SSPN: variants seen among roughly 807,000 people sequenced by gnomAD.
SSPN encodes the protein K-ras oncogene-associated protein.
Under a neutral mutation model 19.1 loss-of-function variants are expected in SSPN, and 15 were observed. The ratio of observed to expected loss-of-function variants is 0.78; its 90% CI spans 0.52 to 1.21. The LOEUF (loss-of-function observed/expected upper bound fraction) is 1.21. SSPN is among the 50% of genes most tolerant of loss of function. SSPN has a pLI of 0.00. For synonymous variants in SSPN, 147 were observed against 140.3 expected (o/e 1.05, Z -0.34); for missense variants, 291 against 314.0 (o/e 0.93, Z 0.55).
At chr12:26,156,023 G>A (rs1944553832) in intron 1 of SSPN, among the ~76,000 whole-genome samples, 1 of 152,156 alleles carries the variant, frequency 6.6e-6, no homozygotes, top group South Asian at 2.1e-4. Context: ...AGAAAGAAAA[G>A]TTCAAAGAAC....
chr12:26,191,928 T>C (rs1458093961), upstream of SSPN, among the ~76,000 whole-genome samples: 2 of 152,216 alleles, frequency 1.3e-5, no homozygotes, highest in Admixed American at 6.5e-5. Context: ...CTTGGAAATG[T>C]AATAATTTTT....
intron 2 of SSPN, 85 bp downstream of exon 2, chr12:26,224,464 G>A (rs781447187): frequency 1.7e-5 from 20 of 1,164,426 alleles, no homozygotes; most frequent in Non-Finnish European, 2.6e-5. Flanking sequence ...TTAAGGGGTT[G>A]CATATCTGAT....
At chr12:26,128,415 C>A (rs148536307) in intron 1 of SSPN, among the ~76,000 whole-genome samples, 63 of 152,292 alleles carry the variant, frequency 4.1e-4, no homozygotes, top group African/African-American at 1.5e-3. Context: ...ATCCAAATAT[C>A]CTAATTAACT....
intron 1 of SSPN, among the ~76,000 whole-genome samples, chr12:26,202,885 G>A (rs1944898823): frequency 6.6e-6 from 1 of 152,214 alleles, no homozygotes; most frequent in African/African-American, 2.4e-5. Context: ...GATACTACGT[G>A]AGACTAATTT....
intron 1 of SSPN, among the ~76,000 whole-genome samples, chr12:26,166,606 C>A (rs774620364): frequency 6.6e-6 from 1 of 152,132 alleles, no homozygotes; most frequent in Admixed American, 6.5e-5. Flanking sequence ...AAAATGAAAA[C>A]GAATTATATT....
intron 1 of SSPN, among the ~76,000 whole-genome samples, chr12:26,149,696 A>G (rs534946079): frequency 6.6e-6 from 1 of 152,342 alleles, no homozygotes; most frequent in African/African-American, 2.4e-5. Flanking sequence ...AACAATAATA[A>G]TACCTTGGAA....
chr12:26,190,108 A>G (rs577369555), intron 1 of SSPN, among the ~76,000 whole-genome samples: 1 of 152,342 alleles, frequency 6.6e-6, no homozygotes, highest in East Asian at 1.9e-4. Flanking sequence ...GGAGGATATG[A>G]TGATTTAAAA....
chr12:26,165,921 A>C (rs933576701), intron 1 of SSPN, among the ~76,000 whole-genome samples: 1 of 152,234 alleles, frequency 6.6e-6, no homozygotes, highest in Non-Finnish European at 1.5e-5. Context: ...GCCCCTTCTG[A>C]ACAGCTTTTA....
At chr12:26,175,970 G>A (rs1477771737) in intron 1 of SSPN, among the ~76,000 whole-genome samples, 3 of 151,872 alleles carry the variant, frequency 2.0e-5, no homozygotes, top group Non-Finnish European at 2.9e-5. Flanking sequence ...CCATGTAGCC[G>A]ATATTACAGA....
chr12:26,151,336 G>C (rs1565672945), intron 1 of SSPN, among the ~76,000 whole-genome samples: 1 of 151,998 alleles, frequency 6.6e-6, no homozygotes, highest in Non-Finnish European at 1.5e-5. Flanking sequence ...AAAATATTTA[G>C]ATTAGAACTG....
intron 1 of SSPN, among the ~76,000 whole-genome samples, chr12:26,127,375 C>T (rs1944372687): frequency 6.6e-6 from 1 of 152,150 alleles, no homozygotes; most frequent in South Asian, 2.1e-4. Flanking sequence ...TGCAGCACCC[C>T]ATAATTTAAA....
At chr12:26,199,120 A>G (rs1944856047) in intron 1 of SSPN, among the ~76,000 whole-genome samples, 1 of 152,170 alleles carries the variant, frequency 6.6e-6, no homozygotes, top group Non-Finnish European at 1.5e-5. Flanking sequence ...GGGGATTGCC[A>G]TTTCCTTAAC....
At chr12:26,213,389 T>C (rs1945012867) in intron 1 of SSPN, among the ~76,000 whole-genome samples, 1 of 152,172 alleles carries the variant, frequency 6.6e-6, no homozygotes, top group African/African-American at 2.4e-5. Context: ...ATCCTAGAGA[T>C]GATGAAACCG....
intron 2 of SSPN, among the ~76,000 whole-genome samples, chr12:26,227,750 A>G (rs1362563066): frequency 1.3e-5 from 2 of 152,224 alleles, no homozygotes; most frequent in South Asian, 2.1e-4. Context: ...AGTAGGTGCT[A>G]TTATGATCAT....
At chr12:26,136,115 A>G (rs1165104209) in intron 1 of SSPN, among the ~76,000 whole-genome samples, 1 of 152,234 alleles carries the variant, frequency 6.6e-6, no homozygotes, top group Non-Finnish European at 1.5e-5. Context: ...TCTAAACAAT[A>G]CAGTTTATTT....
At chr12:26,176,460 C>T (rs1228817134) in intron 1 of SSPN, among the ~76,000 whole-genome samples, 1 of 140,460 alleles carries the variant, frequency 7.1e-6, no homozygotes, top group Non-Finnish European at 1.6e-5. Flanking sequence ...GGAATTAAGA[C>T]AAACTCTAAA....
At chr12:26,156,669 T>G (rs1944557746) in intron 1 of SSPN, among the ~76,000 whole-genome samples, 1 of 152,176 alleles carries the variant, frequency 6.6e-6, no homozygotes, top group Admixed American at 6.5e-5. Context: ...ATTGACACAT[T>G]GCTGACTGCG....
At chr12:26,216,063 G>A (rs375079793) in intron 1 of SSPN, among the ~76,000 whole-genome samples, 5 of 152,266 alleles carry the variant, frequency 3.3e-5, no homozygotes, top group African/African-American at 7.2e-5. Flanking sequence ...TGTTCAGCAC[G>A]GGGCTTAACA....
intron 1 of SSPN, among the ~76,000 whole-genome samples, chr12:26,188,671 C>A (rs966248020): frequency 2.6e-5 from 4 of 152,156 alleles, no homozygotes; most frequent in African/African-American, 9.7e-5. Flanking sequence ...ATATCTGAAT[C>A]CAGATCACAC....
Sources: allele counts gnomAD v4.1 joint callset (sites outside exome capture counted in the v4.1 genomes callset), GRCh38; gene constraint gnomAD v4.1.1; transcripts MANE v1.5; gene names NCBI Gene and HGNC (gene_info 2026-07-23, HGNC 2026-07-21).